DTNB: variants seen among roughly 807,000 people sequenced by gnomAD.
DTNB encodes the protein dystrobrevin beta.
In DTNB, 63 loss-of-function variants were observed where a neutral mutation model predicts 90.7. The observed-to-expected ratio is 0.69, with a 90% CI of 0.57 to 0.86. The LOEUF is 0.86. DTNB is among the 40% of genes least tolerant of loss of function. The pLI is 0.00. For missense variants in DTNB, 744 were observed against 807.1 expected, an observed-to-expected ratio of 0.92 and a Z score of 0.95; for synonymous variants, 277 against 286.7, an observed-to-expected ratio of 0.97 and a Z score of 0.34.
Position 25,508,499 on chromosome 2 carries a change from G to GT in DTNB, c.1001+22973dup, listed in dbSNP as rs1180516635. On this transcript the variant is annotated intron_variant, in intron 9 of 20. Coordinates refer to ENST00000406818, the MANE Select transcript of DTNB (RefSeq NM_021907.5). ...TTAGGGCTTTTAACATTTCTTTTTT[G>GT]TTTGTTTTTTTTTTTTTGAGATGGA... Among the ~76,000 whole-genome samples the GT allele has an allele frequency of 8.5e-4, 112 of 132,434 alleles. 1 individual carries two copies. Among genetic ancestry groups the GT allele is most frequent in the African/African-American group, 3.2e-3 (105 of 33,232 alleles). 86.9% of individuals were successfully genotyped at this position (132,434 alleles called of 152,430 possible).
chr2:25,622,249 C>G (rs2072919450), intron 4 of DTNB, among the ~76,000 whole-genome samples: 1 of 152,160 alleles, frequency 6.6e-6, no homozygotes, highest in Admixed American at 6.5e-5. Context: ...TTTGGGAGGC[C>G]AAGTCGGGTG....
At chr2:25,571,103 G>C (rs1041256685) in intron 8 of DTNB, among the ~76,000 whole-genome samples, 1 of 152,152 alleles carries the variant, frequency 6.6e-6, no homozygotes, top group African/African-American at 2.4e-5. Context: ...TCTATGCTCA[G>C]GACAAAATCT....
intron 9 of DTNB, among the ~76,000 whole-genome samples, chr2:25,517,062 A>G (rs2075268645): frequency 6.6e-6 from 1 of 152,252 alleles, no homozygotes; most frequent in African/African-American, 2.4e-5. Context: ...AATGTTCATC[A>G]ACTGGTGAAT....
At chr2:25,483,635 G>A (rs557045494) in intron 9 of DTNB, among the ~76,000 whole-genome samples, 2 of 152,218 alleles carry the variant, frequency 1.3e-5, no homozygotes, top group East Asian at 3.9e-4. Context: ...TCTCCTTCTT[G>A]TGAAAGTCCT....
chr2:25,595,901 C>T (rs898000433), intron 6 of DTNB, among the ~76,000 whole-genome samples, 185 bp downstream of exon 6: 2 of 142,278 alleles, frequency 1.4e-5, no homozygotes, highest in African/African-American at 5.2e-5. Flanking sequence ...CCAGTTCCCC[C>T]GTAAGAGTTT....
chr2:25,454,839 G>C (rs925647365), intron 11 of DTNB, among the ~76,000 whole-genome samples: 2 of 152,296 alleles, frequency 1.3e-5, no homozygotes, highest in South Asian at 2.1e-4. Flanking sequence ...TATAATATGA[G>C]AGGGTCTACA....
intron 6 of DTNB, among the ~76,000 whole-genome samples, chr2:25,588,240 G>A (rs1211214024): frequency 6.6e-6 from 1 of 151,460 alleles, no homozygotes; most frequent in Non-Finnish European, 1.5e-5. Context: ...AAATAATATG[G>A]AATTCCTCCA....
chr2:25,637,461 T>C (rs1421677825), intron 3 of DTNB, among the ~76,000 whole-genome samples: 1 of 152,214 alleles, frequency 6.6e-6, no homozygotes, highest in Non-Finnish European at 1.5e-5. Flanking sequence ...CCTACCCATC[T>C]GACAAAGGGC....
intron 14 of DTNB, among the ~76,000 whole-genome samples, chr2:25,432,412 A>G (rs2054205363): frequency 6.6e-6 from 1 of 152,174 alleles, no homozygotes; most frequent in Admixed American, 6.5e-5. Context: ...CACTTTGTTT[A>G]GAAGCCATGG....
At chr2:25,517,903 C>A (rs2075394729) in intron 9 of DTNB, among the ~76,000 whole-genome samples, 1 of 152,114 alleles carries the variant, frequency 6.6e-6, no homozygotes, top group Non-Finnish European at 1.5e-5. Context: ...TCACACGCTG[C>A]AACACAGATA....
At position 25,404,167 on chromosome 2, in the gene DTNB, A is replaced by G. The variant is rs114566538; in HGVS notation, c.1575+15348T>C. ...GGTAGGGGGCTATGCAGCTGAGGCA[A>G]TATCTCCACTCTCAGCAGGCCTATC... is the stretch of plus-strand genomic sequence containing the variant. On this transcript the variant is annotated intron_variant, in intron 16 of 20. Coordinates refer to ENST00000406818, the MANE Select transcript of DTNB (RefSeq NM_021907.5). 9.8e-3 allele frequency among the ~76,000 whole-genome samples: 1,488 copies of G among 152,286 alleles called. 12 individuals carry two copies. The highest frequency in any genetic ancestry group is 0.016 in the Non-Finnish European group (1,094 of 68,030).
chr2:25,666,718 C>T (rs1248408460), intron 1 of DTNB, among the ~76,000 whole-genome samples: 2 of 152,032 alleles, frequency 1.3e-5, no homozygotes, highest in Non-Finnish European at 2.9e-5. Context: ...AATAGATACA[C>T]AAAGTTGCAA....
In DTNB at chr2:25,446,400, C is replaced by T. The variant is rs117495619; in HGVS notation, c.1257+5148G>A. On this transcript the variant is annotated intron_variant, in intron 12 of 20. Coordinates refer to ENST00000406818, the MANE Select transcript of DTNB (RefSeq NM_021907.5). ...TACAGGCACATGCCACCACACCTGGCTATTTTTGTTTTTTTTTTCTAACTT... is the reference window on the plus strand; with the variant it reads ...TACAGGCACATGCCACCACACCTGGTTATTTTTGTTTTTTTTTTCTAACTT... 4.1e-4 allele frequency among the ~76,000 whole-genome samples: 62 copies of T among 151,826 alleles called. 3 individuals are homozygous for T. In the East Asian group the frequency reaches 0.012, roughly 29 times the overall value.
intron 5 of DTNB, 189 bp from the exon 6 acceptor site, chr2:25,596,429 C>T: frequency 2.1e-6 from 1 of 465,588 alleles, no homozygotes; most frequent in South Asian, 4.2e-5. Flanking sequence ...GCAGATGAGG[C>T]CCCTCTCTTC....
intron 9 of DTNB, among the ~76,000 whole-genome samples, chr2:25,530,719 C>T (rs973842599): frequency 6.6e-6 from 1 of 152,254 alleles, no homozygotes; most frequent in African/African-American, 2.4e-5. Flanking sequence ...AAACTACCTT[C>T]CATCAGGGAG....
chr2:25,544,152 G>C (rs1349941355), intron 8 of DTNB, among the ~76,000 whole-genome samples: 3 of 152,214 alleles, frequency 2.0e-5, no homozygotes, highest in Admixed American at 6.5e-5. Flanking sequence ...AGGGCTCGCG[G>C]GTTGGGTCAT....
At chr2:25,541,088 T>C (rs2081151820) in intron 8 of DTNB, among the ~76,000 whole-genome samples, 1 of 150,444 alleles carries the variant, frequency 6.6e-6, no homozygotes, top group South Asian at 2.1e-4. Flanking sequence ...ATATAGAATA[T>C]TCATGGTATA....
chr2:25,613,658 GAA>G (rs767938772), intron 4 of DTNB, among the ~76,000 whole-genome samples: 2 of 140,852 alleles, frequency 1.4e-5, no homozygotes, highest in Non-Finnish European at 1.6e-5. Flanking sequence ...TCAAATGTAG[GAA>G]AAAAAAAAAA....
intron 19 of DTNB, among the ~76,000 whole-genome samples, chr2:25,382,462 T>C (rs533645976): frequency 2.0e-5 from 3 of 148,246 alleles, no homozygotes; most frequent in African/African-American, 5.0e-5. Context: ...CAGTATAACA[T>C]AGAAGGATGA....
Sources: gnomAD v4.1 joint callset for allele counts (sites outside exome capture counted in the v4.1 genomes callset) on GRCh38, gnomAD v4.1.1 for gene constraint, MANE v1.5 for transcripts, NCBI Gene and HGNC (gene_info 2026-07-23, HGNC 2026-07-21) for gene names.